The following AHI1 variants were observed in gnomAD, a reference collection of about 807,000 sequenced individuals.
The protein encoded by AHI1 is jouberin.
A neutral mutation model predicts 149.3 loss-of-function variants in AHI1; 123 were observed. That is an observed-to-expected ratio of 0.82 (90% CI 0.71 to 0.96). The LOEUF (loss-of-function observed/expected upper bound fraction) is 0.96. AHI1 is among the 40% of genes least tolerant of loss of function. The pLI is 0.00. For synonymous variants in AHI1, 475 were observed against 459.8 expected (o/e 1.03, Z -0.42); for missense variants, 1,439 against 1,422.7 (o/e 1.01, Z -0.18).
chr6:135,408,214 A>G (rs1781075346), intron 21 of AHI1, among the ~76,000 whole-genome samples: 1 of 152,114 alleles, frequency 6.6e-6, no homozygotes, highest in Admixed American at 6.6e-5. Context: ...ACTGTAGGAA[A>G]CTTGTTTTTA....
chr6:135,442,081 C>A (rs1786383514), intron 14 of AHI1, among the ~76,000 whole-genome samples: 1 of 152,074 alleles, frequency 6.6e-6, no homozygotes, highest in South Asian at 2.1e-4. Flanking sequence ...ATAATGCTCA[C>A]TTTAGAATGT....
intron 8 of AHI1, among the ~76,000 whole-genome samples, chr6:135,457,923 T>C (rs969838684): frequency 1.3e-5 from 2 of 152,154 alleles, no homozygotes; most frequent in Non-Finnish European, 2.9e-5. Flanking sequence ...GAAAAATCCT[T>C]GTTTATATTT....
intron 11 of AHI1, 87 bp from the exon 12 acceptor site, chr6:135,448,562 TA>T: frequency 9.3e-7 from 1 of 1,073,846 alleles, no homozygotes; most frequent in Non-Finnish European, 1.3e-6. Flanking sequence ...GAAACATTTT[TA>T]AAAGATTAAT....
chr6:135,406,255 C>G (rs1583067524), intron 21 of AHI1, among the ~76,000 whole-genome samples: 1 of 152,154 alleles, frequency 6.6e-6, no homozygotes, highest in Non-Finnish European at 1.5e-5. Flanking sequence ...CACAGTTGCT[C>G]AAAATCTGGA....
intron 5 of AHI1, among the ~76,000 whole-genome samples, chr6:135,479,313 G>C (rs1055782134): frequency 6.6e-6 from 1 of 152,230 alleles, no homozygotes; most frequent in Non-Finnish European, 1.5e-5. Flanking sequence ...ATGCCAGCCA[G>C]TGAAAGCAGC....
intron 5 of AHI1, among the ~76,000 whole-genome samples, chr6:135,477,034 C>T (rs112929483): frequency 0.012 from 1,806 of 151,320 alleles, 43 homozygotes; most frequent in African/African-American, 0.042. Flanking sequence ...GTCTCTTTGT[C>T]CTCTTTTTTT....
chr6:135,332,684 T>A (rs576924804), intron 24 of AHI1, among the ~76,000 whole-genome samples: 3 of 152,338 alleles, frequency 2.0e-5, no homozygotes, highest in Non-Finnish European at 2.9e-5. Flanking sequence ...CCAACCAGTA[T>A]GGTAATGAAG....
At chr6:135,362,536 T>C (rs1794066369) in intron 23 of AHI1, among the ~76,000 whole-genome samples, 1 of 152,178 alleles carries the variant, frequency 6.6e-6, no homozygotes, top group Non-Finnish European at 1.5e-5. Context: ...ACATCTATTA[T>C]TTTTTGATTA....
chr6:135,467,784 T>C (rs943887235), intron 5 of AHI1, 150 bp from the exon 6 acceptor site: 3 of 526,840 alleles, frequency 5.7e-6, no homozygotes, highest in East Asian at 3.1e-5. Context: ...GAGCATTTGA[T>C]GAGTACTCTC....
chr6:135,388,046 T>C, intron 23 of AHI1: 2 of 1,613,634 alleles, frequency 1.2e-6, no homozygotes, highest in Non-Finnish European at 1.7e-6. Context: ...GGAAAACAAA[T>C]TCTTGTCGTT....
Position 135,457,659 on chromosome 6 carries a change from C to A in AHI1, c.986G>T (p.Arg329Leu), listed in dbSNP as rs139944375. 1.9e-4 allele frequency: 308 copies of A among 1,613,868 alleles called. No homozygotes were observed. The African/African-American group carries it at 3.7e-3, about 20-fold the overall frequency. The change falls in exon 9 of 29, where the codon CGA becomes CTA. Residue 329 changes from arginine to leucine, a missense_variant. By Grantham distance (102) the Arg-to-Leu change is moderately radical. Coordinates refer to ENST00000265602, the MANE Select transcript of AHI1 (RefSeq NM_001134831.2). ...ACATTTGGGATAAACCGGGCTATCT[C>A]GGCTTGTTATTTCATGAACACCATC... ...DGDGVHEITS[R>L]DSPVYPKCLL... is the part of the protein sequence containing the mutation.
At chr6:135,430,041 CT>C in intron 17 of AHI1, 41 bp from the exon 18 acceptor site, 1 of 1,201,964 alleles carries the variant, frequency 8.3e-7, no homozygotes, top group Middle Eastern at 2.4e-4. Context: ...AAAAGTTTGT[CT>C]AATGTTAAAC....
chr6:135,398,909 C>A lies in AHI1; in HGVS notation c.2989-4013G>T, dbSNP rs145960303. On this transcript the variant is annotated intron_variant, in intron 22 of 28. Coordinates refer to ENST00000265602, the MANE Select transcript of AHI1 (RefSeq NM_001134831.2). ...TTCCAAATTCTACCTTCAGGCCAGGCCCAACGACTAATGCTTATAATCCCA... is the reference window on the plus strand; with the variant it reads ...TTCCAAATTCTACCTTCAGGCCAGGACCAACGACTAATGCTTATAATCCCA... Among the ~76,000 whole-genome samples, 563 of 152,264 alleles carry A rather than the reference C, an allele frequency of 3.7e-3. 2 individuals are homozygous for A. The highest frequency in any genetic ancestry group is 0.013 in the African/African-American group (543 of 41,572).
chr6:135,298,827 T>C (rs1333044227), intron 27 of AHI1, among the ~76,000 whole-genome samples: 2 of 152,230 alleles, frequency 1.3e-5, no homozygotes, highest in Non-Finnish European at 2.9e-5. Flanking sequence ...TGGATCTCTG[T>C]ATCTCGTGAA....
intron 21 of AHI1, 141 bp downstream of exon 21, chr6:135,411,201 AATAAGT>A: frequency 2.6e-6 from 2 of 754,914 alleles, no homozygotes; most frequent in South Asian, 3.9e-5. Context: ...AGGTTTTAGG[AATAAGT>A]ACCTGAAAGG....
At chr6:135,411,209 C>G (rs1179406200) in intron 21 of AHI1, 139 bp downstream of exon 21, 3 of 800,464 alleles carry the variant, frequency 3.7e-6, no homozygotes, top group African/African-American at 3.5e-5. Context: ...GGAATAAGTA[C>G]CTGAAAGGAA....
At chr6:135,308,416 T>C (rs1784778993) in intron 26 of AHI1, among the ~76,000 whole-genome samples, 1 of 152,090 alleles carries the variant, frequency 6.6e-6, no homozygotes, top group Non-Finnish European at 1.5e-5. Context: ...TTGTACGTTT[T>C]ATAGAGATGG....
chr6:135,308,214 T>A (rs1026627249), intron 26 of AHI1, among the ~76,000 whole-genome samples: 1 of 152,192 alleles, frequency 6.6e-6, no homozygotes, highest in African/African-American at 2.4e-5. Context: ...TTTAGAGGGA[T>A]GTTACTGATA....
At chr6:135,347,975 G>A (rs1050307566) in intron 24 of AHI1, among the ~76,000 whole-genome samples, 1 of 152,148 alleles carries the variant, frequency 6.6e-6, no homozygotes, top group Non-Finnish European at 1.5e-5. Flanking sequence ...CCCCCTCTAC[G>A]GATTTATTTT....
Sources: gnomAD v4.1 joint callset for allele counts (sites outside exome capture counted in the v4.1 genomes callset) on GRCh38, gnomAD v4.1.1 for gene constraint, MANE v1.5 for transcripts, NCBI Gene and HGNC (gene_info 2026-07-23, HGNC 2026-07-21) for gene names.